PRKCE: variants seen among roughly 807,000 people sequenced by gnomAD.
PRKCE encodes protein kinase C epsilon type.
PRKCE carries 16 observed loss-of-function variants against 85.4 expected under a neutral mutation model. The observed-to-expected ratio is 0.19, with a 90% CI of 0.13 to 0.28. The LOEUF (loss-of-function observed/expected upper bound fraction) is 0.28, where lower values mean the gene tolerates loss of function less well. Ranked by LOEUF, PRKCE falls within the 10% of genes least tolerant of loss-of-function variation. PRKCE has a pLI of 1.00. For missense variants in PRKCE, 573 were observed against 975.2 expected (o/e 0.59, Z 5.49); for synonymous variants, 388 against 371.5 (o/e 1.04, Z -0.51).
intron 2 of PRKCE, among the ~76,000 whole-genome samples, chr2:45,973,916 G>C (rs1375164817): frequency 1.3e-5 from 2 of 152,210 alleles, no homozygotes; most frequent in Non-Finnish European, 2.9e-5. Context: ...CAATTTGAGA[G>C]ATTTGTAAAT....
intron 11 of PRKCE, among the ~76,000 whole-genome samples, chr2:46,110,345 A>G (rs1178112509): frequency 6.6e-6 from 1 of 152,116 alleles, no homozygotes; most frequent in Non-Finnish European, 1.5e-5. Context: ...GGGGGAGATT[A>G]TTAATTACTG....
chr2:45,703,650 G>A (rs1198401702), intron 1 of PRKCE, among the ~76,000 whole-genome samples: 1 of 152,024 alleles, frequency 6.6e-6, no homozygotes, highest in Non-Finnish European at 1.5e-5. Context: ...ACAAACATGG[G>A]CTCTCTGCAT....
chr2:46,028,333 A>G (rs1470421025), intron 10 of PRKCE, among the ~76,000 whole-genome samples: 3 of 152,232 alleles, frequency 2.0e-5, no homozygotes, highest in Non-Finnish European at 4.4e-5. Flanking sequence ...TCACTGCCAC[A>G]ACATTTGTGT....
intron 11 of PRKCE, among the ~76,000 whole-genome samples, chr2:46,129,273 A>T (rs1320365678): frequency 6.6e-6 from 1 of 152,168 alleles, no homozygotes; most frequent in East Asian, 1.9e-4. Context: ...GCAGAAGCCA[A>T]GTCTCAGAAT....
At chr2:45,708,232 C>G (rs1292842941) in intron 1 of PRKCE, among the ~76,000 whole-genome samples, 1 of 152,230 alleles carries the variant, frequency 6.6e-6, no homozygotes, top group African/African-American at 2.4e-5. Context: ...TGCCACAGAA[C>G]AAAGCTGTGA....
chr2:45,966,473 C>G (rs1701737430), intron 2 of PRKCE, among the ~76,000 whole-genome samples: 1 of 152,194 alleles, frequency 6.6e-6, no homozygotes, highest in Non-Finnish European at 1.5e-5. Context: ...TAGCTGACAT[C>G]TTTCAGCTTT....
At position 46,159,592 on chromosome 2, in the gene PRKCE, C is replaced by T. The variant is rs1268542224; in HGVS notation, c.1921-14C>T. The T allele has an allele frequency of 6.3e-7, 1 of 1,586,156 alleles. No homozygotes were observed. The highest frequency in any genetic ancestry group is 8.5e-7 in the Non-Finnish European group (1 of 1,173,064). ...CCTTTGTCACTAATTCCGACTCTGTCCTCATCCCTGCAGTTCATGACGAAG... is the reference window on the plus strand; with the variant it reads ...CCTTTGTCACTAATTCCGACTCTGTTCTCATCCCTGCAGTTCATGACGAAG... On this transcript the variant is annotated splice_polypyrimidine_tract_variant and intron_variant, in intron 13 of 14. Coordinates refer to ENST00000306156, the MANE Select transcript of PRKCE (RefSeq NM_005400.3). This position sits in a 1 kb window ranked among gnomAD's most constrained non-coding sequence, Gnocchi z 4.1.
Position 46,159,324 on chromosome 2 carries a change from C to T in PRKCE, c.1921-282C>T, listed in dbSNP as rs146011377. On this transcript the variant is annotated intron_variant, in intron 13 of 14. Coordinates refer to ENST00000306156, the MANE Select transcript of PRKCE (RefSeq NM_005400.3). This position sits in a 1 kb window ranked among gnomAD's most constrained non-coding sequence, Gnocchi z 4.1. ...GGCCAAATTAGCTGACCTCTGTGTG[C>T]TTCTAGTGCCTCGTTTATAATATAG... Among the ~76,000 whole-genome samples, 38 of 152,298 alleles carry T rather than the reference C, an allele frequency of 2.5e-4. No homozygotes were observed. The East Asian group carries it at 5.8e-3, about 23-fold the overall frequency.
chr2:46,083,556 T>C (rs1669304484), intron 10 of PRKCE, among the ~76,000 whole-genome samples: 1 of 152,158 alleles, frequency 6.6e-6, no homozygotes, highest in African/African-American at 2.4e-5. Context: ...CAGTGGCTGT[T>C]TCAGGTGGTG....
intron 14 of PRKCE, among the ~76,000 whole-genome samples, chr2:46,176,088 A>T (rs1157316344): frequency 6.6e-6 from 1 of 152,170 alleles, no homozygotes; most frequent in Non-Finnish European, 1.5e-5. Context: ...CCACTGTGTT[A>T]AAAAATGGCA....
intron 1 of PRKCE, among the ~76,000 whole-genome samples, chr2:45,788,069 T>C (rs185003632): frequency 2.6e-5 from 4 of 152,346 alleles, no homozygotes; most frequent in Admixed American, 6.5e-5. Context: ...CACCGTGTTC[T>C]GACTCTGAGA....
chr2:45,789,427 CCTTGGCT>C (rs1222923944), intron 1 of PRKCE, among the ~76,000 whole-genome samples: 1 of 152,194 alleles, frequency 6.6e-6, no homozygotes, highest in Non-Finnish European at 1.5e-5. Context: ...CATAGTGAGA[CCTTGGCT>C]CTACAAAAAT....
chr2:46,066,999 A>G (rs1667677148), intron 10 of PRKCE, among the ~76,000 whole-genome samples: 1 of 152,218 alleles, frequency 6.6e-6, no homozygotes, highest in Non-Finnish European at 1.5e-5. Context: ...TAGAACGGCT[A>G]ATAAAATTGT....
rs184154283 is a variant in PRKCE at position 46,177,757 on chromosome 2, G to A, written c.2068-6978G>A. On this transcript the variant is annotated intron_variant, in intron 14 of 14. Coordinates refer to ENST00000306156, the MANE Select transcript of PRKCE (RefSeq NM_005400.3). ...GGAGACACAATTCAACTCATAACAT[G>A]GTAAAATTGGATTGATACAACTAAG... Among the ~76,000 whole-genome samples, 546 of 152,230 alleles carry A rather than the reference G, an allele frequency of 3.6e-3. 2 individuals carry two copies. The highest frequency in any genetic ancestry group is 7.9e-3 in the Admixed American group (121 of 15,294).
chr2:46,145,722 G>T lies in PRKCE; in HGVS notation c.1731+491G>T, dbSNP rs1041334660. On this transcript the variant is annotated intron_variant, in intron 12 of 14. Transcript: ENST00000306156. This position sits in a 1 kb window ranked among gnomAD's most constrained non-coding sequence, Gnocchi z 4.6. Reference sequence around the variant, plus strand: ...GTCTATATAAAAAATACAAAAATTAGCCAGGCATAGTGGTGCAAACCTGTA... The same window carrying T: ...GTCTATATAAAAAATACAAAAATTATCCAGGCATAGTGGTGCAAACCTGTA... Among the ~76,000 whole-genome samples the T allele has an allele frequency of 6.6e-6, 1 of 152,088 alleles. No homozygotes were observed. Among genetic ancestry groups the T allele is most frequent in the Non-Finnish European group, 1.5e-5 (1 of 68,020 alleles).
chr2:46,054,049 C>G (rs566760728), intron 10 of PRKCE, among the ~76,000 whole-genome samples: 20 of 152,292 alleles, frequency 1.3e-4, no homozygotes, highest in African/African-American at 4.3e-4. Context: ...CTCACAATCT[C>G]TTAGTGAGAT....
chr2:46,030,979 A>G (rs181914715), intron 10 of PRKCE, among the ~76,000 whole-genome samples: 1 of 152,280 alleles, frequency 6.6e-6, no homozygotes, highest in East Asian at 1.9e-4. Context: ...CCTGGAGTGC[A>G]TTCTATATTT....
At chr2:45,995,198 T>C (rs764240539) in intron 6 of PRKCE, among the ~76,000 whole-genome samples, 11 of 152,196 alleles carry the variant, frequency 7.2e-5, no homozygotes, top group Non-Finnish European at 1.6e-4. Context: ...TATTATCATA[T>C]ATGTCTTTTG....
At chr2:45,658,197 G>A (rs1675468671) in intron 1 of PRKCE, among the ~76,000 whole-genome samples, 1 of 152,094 alleles carries the variant, frequency 6.6e-6, no homozygotes, top group Non-Finnish European at 1.5e-5. Flanking sequence ...GCAGCCAAGG[G>A]TCCCTGGATC....
Sources: gnomAD v4.1 joint callset for allele counts (sites outside exome capture counted in the v4.1 genomes callset) on GRCh38, gnomAD v4.1.1 for gene constraint, Gnocchi (gnomAD v3.1) non-coding constraint, MANE v1.5 for transcripts, NCBI Gene and HGNC (gene_info 2026-07-23, HGNC 2026-07-21) for gene names.